PARP14: variants seen among roughly 807,000 people sequenced by gnomAD.
PARP14 encodes poly(ADP-ribose) polymerase family member 14, also known as protein mono-ADP-ribosyltransferase PARP14.
A neutral mutation model predicts 154.2 loss-of-function variants in PARP14; 59 were observed. That is an observed-to-expected ratio of 0.38 (90% confidence interval 0.31 to 0.48). The LOEUF (loss-of-function observed/expected upper bound fraction) is 0.48, where lower values mean the gene tolerates loss of function less well. Among genes scored for constraint, PARP14 ranks in the 20% least tolerant of loss-of-function variants. The pLI is 0.98. For synonymous variants in PARP14, 720 were observed against 780.5 expected (o/e 0.92, Z 1.29); for missense variants, 1,734 against 2,131.6 (o/e 0.81, Z 3.67).
At chr3:122,685,930 C>T (rs1344608986) in intron 2 of PARP14, among the ~76,000 whole-genome samples, 1 of 152,024 alleles carries the variant, frequency 6.6e-6, no homozygotes, top group Non-Finnish European at 1.5e-5. Context: ...TAACCTGTAA[C>T]CTGTTATATT....
At chr3:122,723,244 T>C (rs951137979) in intron 15 of PARP14, among the ~76,000 whole-genome samples, 38 of 152,066 alleles carry the variant, frequency 2.5e-4, no homozygotes, top group Non-Finnish European at 5.3e-4. Context: ...CTGGCCACAG[T>C]CCATATTCTA....
At chr3:122,692,597 C>T in intron 4 of PARP14, 54 bp downstream of exon 4, 1 of 1,476,322 alleles carries the variant, frequency 6.8e-7, no homozygotes, top group Non-Finnish European at 9.3e-7. Context: ...CATCATGAGA[C>T]TTGAGATACC....
Position 122,730,489 on chromosome 3 carries a change from G to A in PARP14, c.*1892G>A, listed in dbSNP as rs1933397981. ...CTGTACTTGAAGTGGAGGAGGCTAG[G>A]GGGCCACAGTTGCTGCTTCATTAAC... is the stretch of plus-strand genomic sequence containing the variant. On this transcript the variant is annotated 3_prime_UTR_variant, in exon 17 of 17. Transcript: ENST00000474629. 6.6e-6 allele frequency: 1 copy of A among 152,210 alleles called. No homozygotes were observed. Among genetic ancestry groups the A allele is most frequent in the Non-Finnish European group, 1.5e-5 (1 of 68,046 alleles). 9.4% of individuals were successfully genotyped at this position (152,210 alleles called of 1,614,324 possible).
chr3:122,692,131 A>T (rs1171775135), intron 3 of PARP14, among the ~76,000 whole-genome samples, 170 bp from the exon 4 acceptor site: 1 of 152,218 alleles, frequency 6.6e-6, no homozygotes, highest in Non-Finnish European at 1.5e-5. Context: ...ATTACATGTT[A>T]CATGTTGTTT....
intron 15 of PARP14, among the ~76,000 whole-genome samples, chr3:122,726,500 C>T (rs2107656915): frequency 6.6e-6 from 1 of 152,328 alleles, no homozygotes; most frequent in Non-Finnish European, 1.5e-5. Context: ...TTTTCTCCCT[C>T]TCTAGCTCTT....
rs750885509 is a variant in PARP14, at chr3:122,680,928, G to C, written c.45G>C (p.Trp15Cys). The C allele has an allele frequency of 6.2e-7, 1 of 1,612,748 alleles. No individual in the cohort carries two copies. Among genetic ancestry groups the C allele is most frequent in the Non-Finnish European group, 8.5e-7 (1 of 1,179,380 alleles). ...GSFPLLVEGS[W>C]GPDPPKNLNT... ...TCCCGCTGCTGGTCGAGGGCTCCTG[G>C]GGCCCCGACCCCCCGAAGAACTTGA... Residue 15 changes from tryptophan (W) to cysteine (C), a missense_variant, in exon 1 of 17, where the codon TGG becomes TGC. Trp to Cys is a radical substitution (Grantham distance 215, BLOSUM62 -2). Around this residue, in one of 2 missense-constraint regions of PARP14, gnomAD observed 1,646 missense variants for 1,976.0 expected, o/e 0.83. Coordinates refer to ENST00000474629, the MANE Select transcript of PARP14 (RefSeq NM_017554.3).
In PARP14 at chr3:122,718,245, C is replaced by T; in HGVS notation, c.4175C>T (p.Ser1392Phe). The stretch of plus-strand genomic sequence containing the variant: ...AAGAAAAGAGAAGGGACTCAGCTTT[C>T]TTCCCAACAGTCTGTGATGTCTAAA... ...NMKKREGTQL[S>F]SQQSVMSKLA... Residue 1392 changes from serine to phenylalanine, a missense_variant, in exon 13 of 17, where the codon TCT (serine) becomes TTT (phenylalanine). Transcript: ENST00000474629. 1 of 1,613,600 alleles carries T rather than the reference C, an allele frequency of 6.2e-7. No individual in the cohort carries two copies. The highest frequency in any genetic ancestry group is 1.7e-5 in the Admixed American group (1 of 59,918).
chr3:122,697,521 T>C (rs1938816682), intron 5 of PARP14, among the ~76,000 whole-genome samples: 1 of 152,236 alleles, frequency 6.6e-6, no homozygotes, highest in Non-Finnish European at 1.5e-5. Flanking sequence ...CCTATAACGT[T>C]AATTTTTCTT....
Position 122,700,346 on chromosome 3 carries a change from T to C in PARP14, c.1792T>C (p.Tyr598His). Residue 598 changes from tyrosine (Y) to histidine (H), a missense_variant, in exon 6 of 17, where the codon TAT (tyrosine) becomes CAT (histidine). This residue lies in a region of PARP14 where 1,646 missense variants were observed against 1,976.0 expected (regional missense o/e 0.83). Coordinates refer to ENST00000474629, the MANE Select transcript of PARP14 (RefSeq NM_017554.3). ...AAAGCAAATGCTCAGTGCCTTAAAT[T>C]ATAAGCGCATTGAAGTTGAGAACAA... Reference protein sequence around the residue: ...AEKQMLSALNYKRIEVENKEV... With the variant: ...AEKQMLSALNHKRIEVENKEV... 5 of 1,613,854 alleles carry C rather than the reference T, an allele frequency of 3.1e-6. No homozygotes were observed. The highest frequency in any genetic ancestry group is 4.2e-6 in the Non-Finnish European group (5 of 1,179,816).
chr3:122,708,365 A>G (rs1398585210), intron 9 of PARP14, 97 bp downstream of exon 9: 1 of 670,030 alleles, frequency 1.5e-6, no homozygotes, highest in Admixed American at 2.7e-5. Flanking sequence ...TATGAAAAAA[A>G]AATCAATGAG....
chr3:122,707,553 A>T (rs1456501355), intron 8 of PARP14, among the ~76,000 whole-genome samples: 4 of 152,174 alleles, frequency 2.6e-5, no homozygotes, highest in African/African-American at 9.7e-5. Flanking sequence ...CAGGAGGATC[A>T]CTTGAGGCCA....
In PARP14 at chr3:122,701,638, G is replaced by A. The variant is rs1177912326; in HGVS notation, c.3081+3G>A. 6.4e-7 allele frequency: 1 copy of A among 1,569,878 alleles called. No individual in the cohort carries two copies. The highest frequency in any genetic ancestry group is 1.9e-5 in the Admixed American group (1 of 52,640). On this transcript the variant is annotated splice_donor_region_variant and intron_variant, in intron 6 of 16. Transcript: ENST00000474629. The surrounding 1 kb of genome is among the most constrained non-coding windows in gnomAD (Gnocchi z 4.0). Reference sequence around the variant, plus strand: ...AAGAGGGTGTGCAGAATGCTAAGGTGAGTGTCGCTTTTACAGAACACCACC... The same window carrying A: ...AAGAGGGTGTGCAGAATGCTAAGGTAAGTGTCGCTTTTACAGAACACCACC...
At chr3:122,696,269 A>G (rs956015523) in intron 5 of PARP14, among the ~76,000 whole-genome samples, 3 of 152,212 alleles carry the variant, frequency 2.0e-5, no homozygotes, top group Non-Finnish European at 4.4e-5. Flanking sequence ...ACTTGTGTTC[A>G]GAAGTCAAGG....
chr3:122,718,380 A>C lies in PARP14; in HGVS notation c.4229A>C (p.Gln1410Pro). 1.2e-6 allele frequency: 2 copies of C among 1,612,612 alleles called. No homozygotes were observed. The highest frequency in any genetic ancestry group is 1.7e-6 in the Non-Finnish European group (2 of 1,179,450). Residue 1410 changes from glutamine (Q) to proline (P), a missense_variant, in exon 14 of 17, where the codon CAA (glutamine) becomes CCA (proline). Transcript: ENST00000474629. ...KLASFLGFSK[Q>P]SPQKKNHLVL... ...TTAGCATTTTTGGGCTTTTCAAAGCAATCTCCCCAAAAAAAGAATCATTTG... is the reference window on the plus strand; with the variant it reads ...TTAGCATTTTTGGGCTTTTCAAAGCCATCTCCCCAAAAAAAGAATCATTTG...
At chr3:122,686,725 C>T (rs1455321915) in intron 2 of PARP14, 1 of 193,026 alleles carries the variant, frequency 5.2e-6, no homozygotes, top group African/African-American at 2.4e-5. Flanking sequence ...CACTGGCCTC[C>T]CAAAATGCTG....
chr3:122,713,128 G>A (rs1939375766), intron 9 of PARP14, among the ~76,000 whole-genome samples: 1 of 152,202 alleles, frequency 6.6e-6, no homozygotes, highest in East Asian at 1.9e-4. Flanking sequence ...CTCTTGGGTG[G>A]TGGCTTTTTG....
intron 11 of PARP14, 134 bp downstream of exon 11, chr3:122,714,068 A>T (rs1932924764): frequency 1.3e-6 from 1 of 792,892 alleles, no homozygotes. Context: ...AATTCCAATC[A>T]CAGACACTTA....
At chr3:122,724,144 A>G (rs146885842) in intron 15 of PARP14, among the ~76,000 whole-genome samples, 31 of 152,240 alleles carry the variant, frequency 2.0e-4, no homozygotes, top group African/African-American at 5.8e-4. Flanking sequence ...GCCTGGAATC[A>G]GACATTTTTC....
In PARP14 at chr3:122,699,418, C is replaced by G; in HGVS notation, c.864C>G (p.Leu288=). 3.1e-6 allele frequency: 5 copies of G among 1,610,556 alleles called. No individual in the cohort carries two copies. The highest frequency in any genetic ancestry group is 3.4e-6 in the Non-Finnish European group (4 of 1,178,090). ...KVLDTIMATK[L]DFNKMPLSVF... ...TAGACACCATCATGGCCACAAAACT[C>G]GACTTCAATAAAATGCCACTTTCTG... Residue 288 remains leucine, a synonymous_variant, in exon 6 of 17, where the codon CTC becomes CTG. Coordinates refer to ENST00000474629, the MANE Select transcript of PARP14 (RefSeq NM_017554.3).
Sources: gnomAD v4.1 joint callset for allele counts (sites outside exome capture counted in the v4.1 genomes callset) on GRCh38, gnomAD v4.1.1 for gene constraint, gnomAD v4.1.1 regional missense constraint, Gnocchi (gnomAD v3.1) non-coding constraint, MANE v1.5 for transcripts, NCBI Gene and HGNC (gene_info 2026-07-23, HGNC 2026-07-21) for gene names.